PCDHAC2: variants seen among roughly 807,000 people sequenced by gnomAD.
PCDHAC2 encodes protocadherin alpha subfamily C, 2, also known as protocadherin alpha-C2.
PCDHAC2 carries 24 observed loss-of-function variants against 63.3 expected under a neutral mutation model. That is an observed-to-expected ratio of 0.38 (90% CI 0.27 to 0.53). The LOEUF is 0.53. Among genes scored for constraint, PCDHAC2 ranks in the 20% least tolerant of loss-of-function variants. The pLI is 0.81. For missense variants in PCDHAC2, 1,181 were observed against 1,275.2 expected, an observed-to-expected ratio of 0.93 and a Z score of 1.12; for synonymous variants, 569 against 529.4, an observed-to-expected ratio of 1.07 and a Z score of -1.03.
intron 3 of PCDHAC2, among the ~76,000 whole-genome samples, chr5:140,999,483 T>G (rs1316785085): frequency 3.3e-5 from 5 of 152,152 alleles, no homozygotes; most frequent in Admixed American, 2.6e-4. Flanking sequence ...CCAACTCAAG[T>G]CTATGTTACC....
At chr5:141,003,832 G>C (rs1261830894) in intron 3 of PCDHAC2, among the ~76,000 whole-genome samples, 1 of 152,102 alleles carries the variant, frequency 6.6e-6, no homozygotes, top group Non-Finnish European at 1.5e-5. Flanking sequence ...TCTGCCTAAC[G>C]ATTCAGACCC....
At chr5:141,007,422 G>A (rs190866782) in intron 3 of PCDHAC2, among the ~76,000 whole-genome samples, 22 of 143,640 alleles carry the variant, frequency 1.5e-4, no homozygotes, top group African/African-American at 4.9e-4. Context: ...AAAAAAATTA[G>A]CCAGGCATGG....
intron 3 of PCDHAC2, among the ~76,000 whole-genome samples, chr5:141,003,696 T>C (rs1554259206): frequency 6.6e-6 from 1 of 152,210 alleles, no homozygotes; most frequent in East Asian, 1.9e-4. Flanking sequence ...AATATATCCC[T>C]ACCAATTGTG....
intron 3 of PCDHAC2, among the ~76,000 whole-genome samples, chr5:141,000,419 A>G (rs1394449061): frequency 1.6e-5 from 1 of 61,008 alleles, no homozygotes; most frequent in African/African-American, 7.6e-5. Flanking sequence ...ATATATATAT[A>G]TATTTTTTTT....
rs557916636 is a variant in PCDHAC2, at chr5:141,000,518, C to G, written c.2714-9109C>G. The stretch of plus-strand genomic sequence containing the variant: ...TCTCGGCTCACTGCAACCTCCTTCT[C>G]CAGGGTTCAAGTGATTCTCATGCCT... On this transcript the variant is annotated intron_variant, in intron 3 of 3. Transcript: ENST00000289269. Among the ~76,000 whole-genome samples the G allele has an allele frequency of 6.9e-4, 100 of 144,062 alleles. 3 individuals are homozygous for G. In the South Asian group the frequency reaches 0.021, roughly 31 times the overall value. 94.5% of individuals were successfully genotyped at this position (144,062 alleles called of 152,430 possible). A position where few individuals can be genotyped will look rare whatever the true frequency, so the allele number is the denominator to read the frequency against.
rs114173550 is a variant in PCDHAC2, at chr5:140,996,928, G to T, written c.2714-12699G>T. Among the ~76,000 whole-genome samples the T allele has an allele frequency of 1.8e-3, 279 of 152,148 alleles. 1 individual carries two copies. Among genetic ancestry groups the T allele is most frequent in the Non-Finnish European group, 3.0e-3 (203 of 67,996 alleles). ...GTTGAAGTAAATATTAAAAAATATA[G>T]CATTTTTGCATAGAAATATTTATTT... On this transcript the variant is annotated intron_variant, in intron 3 of 3. Coordinates refer to ENST00000289269, the MANE Select transcript of PCDHAC2 (RefSeq NM_018899.6).
intron 1 of PCDHAC2, among the ~76,000 whole-genome samples, chr5:140,974,767 T>C (rs559758887): frequency 1.2e-4 from 18 of 152,098 alleles, no homozygotes; most frequent in Non-Finnish European, 2.4e-4. Flanking sequence ...GGATTACAGG[T>C]ATGAGCCACT....
intron 1 of PCDHAC2, among the ~76,000 whole-genome samples, chr5:140,976,253 T>G (rs1554237440): frequency 6.6e-6 from 1 of 152,124 alleles, no homozygotes; most frequent in Non-Finnish European, 1.5e-5. Context: ...TAAATTTATT[T>G]AAAACACAGA....
At chr5:140,969,919 T>C (rs773906362) in intron 1 of PCDHAC2, among the ~76,000 whole-genome samples, 1 of 152,198 alleles carries the variant, frequency 6.6e-6, no homozygotes, top group South Asian at 2.1e-4. Flanking sequence ...GATAAAGCTG[T>C]AGTATTTAGA....
At chr5:140,989,105 T>A (rs550881823) in intron 3 of PCDHAC2, 1 of 152,350 alleles carries the variant, frequency 6.6e-6, no homozygotes, top group Non-Finnish European at 1.5e-5. Context: ...GAAACAACTT[T>A]TGAATATATC....
intron 2 of PCDHAC2, among the ~76,000 whole-genome samples, chr5:140,979,467 ATTG>A (rs1219222898): frequency 6.6e-6 from 1 of 151,680 alleles, no homozygotes; most frequent in Non-Finnish European, 1.5e-5. Context: ...ATTGATTGCT[ATTG>A]TTGTTTGTGT....
Position 140,966,922 on chromosome 5 carries a change from G to A in PCDHAC2, c.156G>A (p.Gln52=), listed in dbSNP as rs782206344. The change falls in exon 1 of 4, where the codon CAG becomes CAA. Residue 52 remains glutamine, a synonymous_variant. Transcript: ENST00000289269. The stretch of plus-strand genomic sequence containing the variant: ...TGCGATACTCTGTGCCAGAGGAGCA[G>A]GCACCCGGCGCGCTCGTGGGCAACG... ...SQLRYSVPEE[Q]APGALVGNVA... 5 of 1,603,072 alleles carry A rather than the reference G, an allele frequency of 3.1e-6. No individual in the cohort carries two copies. Among genetic ancestry groups the A allele is most frequent in the Non-Finnish European group, 4.2e-6 (5 of 1,178,220 alleles).
intron 3 of PCDHAC2, among the ~76,000 whole-genome samples, chr5:140,999,772 T>A (rs1186405321): frequency 6.6e-6 from 1 of 152,182 alleles, no homozygotes; most frequent in Non-Finnish European, 1.5e-5. Flanking sequence ...CTTTATACTC[T>A]TAACCTAGAA....
intron 3 of PCDHAC2, among the ~76,000 whole-genome samples, chr5:141,007,375 A>G (rs2098319986): frequency 6.8e-6 from 1 of 146,418 alleles, no homozygotes; most frequent in Non-Finnish European, 1.5e-5. Context: ...ACATGATGGA[A>G]CACCATCTCT....
At chr5:140,982,671 G>T in intron 3 of PCDHAC2, 108 bp downstream of exon 3, 1 of 1,454,062 alleles carries the variant, frequency 6.9e-7, no homozygotes, top group South Asian at 1.4e-5. Context: ...TTATATTTTT[G>T]TTATTCCCTT....
intron 1 of PCDHAC2, among the ~76,000 whole-genome samples, chr5:140,977,568 G>A (rs547387044): frequency 1.3e-5 from 2 of 152,312 alleles, no homozygotes; most frequent in East Asian, 1.9e-4. Context: ...TAGCAGATTG[G>A]TAGAATAGAG....
intron 1 of PCDHAC2, among the ~76,000 whole-genome samples, chr5:140,978,085 C>T (rs1056593415): frequency 2.2e-4 from 33 of 152,186 alleles, no homozygotes; most frequent in African/African-American, 8.0e-4. Flanking sequence ...AGCTTCTAAC[C>T]AGCACATAAC....
chr5:140,984,982 G>A lies in PCDHAC2; in HGVS notation c.2713+2419G>A, dbSNP rs544151858. On this transcript the variant is annotated intron_variant, in intron 3 of 3. Coordinates refer to ENST00000289269, the MANE Select transcript of PCDHAC2 (RefSeq NM_018899.6). ...AGACAGAGTCTCGCTCTGTCCCCCA[G>A]GCTGGAGTCCAGTGGCACGATATCG... Among the ~76,000 whole-genome samples the A allele has an allele frequency of 1.1e-3, 174 of 152,116 alleles. 2 individuals are homozygous for A. In the South Asian group the frequency reaches 0.016, roughly 14 times the overall value.
chr5:140,990,199 G>A (rs1308811962), intron 3 of PCDHAC2, among the ~76,000 whole-genome samples: 1 of 152,132 alleles, frequency 6.6e-6, no homozygotes, highest in East Asian at 1.9e-4. Context: ...ATGTGGACCC[G>A]AAAGAGAACA....
Sources: allele counts gnomAD v4.1 joint callset (sites outside exome capture counted in the v4.1 genomes callset), GRCh38; gene constraint gnomAD v4.1.1; transcripts MANE v1.5; gene names NCBI Gene and HGNC (gene_info 2026-07-23, HGNC 2026-07-21).